RGMB: variants seen among roughly 807,000 people sequenced by gnomAD.
RGMB encodes repulsive guidance molecule B.
Under a neutral mutation model 26.9 loss-of-function variants are expected in RGMB, and 16 were observed. That is an observed-to-expected ratio of 0.60 (90% CI 0.40 to 0.90). RGMB has a LOEUF of 0.90. Ranked by LOEUF, RGMB falls within the 40% of genes least tolerant of loss-of-function variation. The probability of loss-of-function intolerance (pLI) is 0.00; values close to 1 mark genes in which losing one functional copy is unlikely to be tolerated. For synonymous variants in RGMB, 225 were observed against 229.3 expected, an observed-to-expected ratio of 0.98 and a Z score of 0.17; for missense variants, 512 against 573.3, an observed-to-expected ratio of 0.89 and a Z score of 1.09.
intron 1 of RGMB, among the ~76,000 whole-genome samples, chr5:98,775,654 G>A (rs1456139829): frequency 4.6e-5 from 7 of 152,162 alleles, no homozygotes; most frequent in Non-Finnish European, 1.0e-4. Flanking sequence ...GACAGAATTG[G>A]AATGTGGTCC....
rs1747058776 is a variant in RGMB, at chr5:98,794,648, C to CT, written c.*896dup. The CT allele has an allele frequency of 6.6e-6, 1 of 152,172 alleles. No homozygotes were observed. 9.4% of individuals were successfully genotyped at this position (152,172 alleles called of 1,614,324 possible). Reference sequence around the variant, plus strand: ...GCCTTGCTCTTTTTAATCTATATGACTGATGCAAGCCCCTCTTCTTAACCG... The same window carrying CT: ...GCCTTGCTCTTTTTAATCTATATGACTTGATGCAAGCCCCTCTTCTTAACCG... On this transcript the variant is annotated 3_prime_UTR_variant, in exon 3 of 3. Transcript: ENST00000513185.
At chr5:98,790,884 T>G (rs1044060798) in intron 2 of RGMB, among the ~76,000 whole-genome samples, 1 of 152,216 alleles carries the variant, frequency 6.6e-6, no homozygotes, top group African/African-American at 2.4e-5. Flanking sequence ...ATAAAAAGTC[T>G]ATTACTAACT....
chr5:98,772,956 A>G (rs1746218504), upstream of RGMB: 1 of 152,220 alleles, frequency 6.6e-6, no homozygotes, highest in South Asian at 2.1e-4. Context: ...GGAAATGTCA[A>G]ACTAGAACAC....
chr5:98,787,960 T>G (rs1746813965), intron 2 of RGMB, among the ~76,000 whole-genome samples: 1 of 152,182 alleles, frequency 6.6e-6, no homozygotes, highest in Non-Finnish European at 1.5e-5. Context: ...TGGTTTGGTT[T>G]CTTCATTCTC....
intron 2 of RGMB, among the ~76,000 whole-genome samples, chr5:98,784,234 G>C (rs1010954717): frequency 6.6e-6 from 1 of 152,156 alleles, no homozygotes; most frequent in Non-Finnish European, 1.5e-5. Flanking sequence ...AATCCTATGG[G>C]CAGCACTCAT....
At position 98,779,869 on chromosome 5, in the gene RGMB, C is replaced by T; in HGVS notation, c.426C>T (p.His142=). Residue 142 remains histidine, a synonymous_variant, in exon 2 of 3, where the codon CAC becomes CAT. Transcript: ENST00000513185. ...PEVTHDPCNY[H]SHAGAREHRR... ...TGACCCATGATCCTTGCAACTATCA[C>T]AGCCACGCTGGAGCCAGGGAACACA... 4.3e-6 allele frequency: 7 copies of T among 1,614,076 alleles called. No homozygotes were observed. Among genetic ancestry groups the T allele is most frequent in the Non-Finnish European group, 5.9e-6 (7 of 1,179,896 alleles).
At chr5:98,780,110 C>T in intron 2 of RGMB, 22 bp downstream of exon 2, 1 of 1,588,424 alleles carries the variant, frequency 6.3e-7, no homozygotes, top group Non-Finnish European at 8.5e-7. Flanking sequence ...TTCTTTTTTC[C>T]CTCTCCCTAC....
At chr5:98,772,558 G>C (rs1245244724), upstream of RGMB, 1 of 152,176 alleles carries the variant, frequency 6.6e-6, no homozygotes, top group Admixed American at 6.5e-5. Flanking sequence ...CAAAGGCGAG[G>C]GCGGTATCAA....
At chr5:98,775,276 G>C (rs1474904716) in intron 1 of RGMB, among the ~76,000 whole-genome samples, 1 of 152,130 alleles carries the variant, frequency 6.6e-6, no homozygotes, top group Non-Finnish European at 1.5e-5. Flanking sequence ...AGTAATGGGG[G>C]GGAAAATGTG....
At chr5:98,785,706 T>G (rs554341590) in intron 2 of RGMB, among the ~76,000 whole-genome samples, 6 of 152,362 alleles carry the variant, frequency 3.9e-5, no homozygotes, top group Non-Finnish European at 7.3e-5. Context: ...TTCCAGAGCC[T>G]CATCTCATCT....
chr5:98,775,614 T>A (rs1484509908), intron 1 of RGMB, among the ~76,000 whole-genome samples: 3 of 152,182 alleles, frequency 2.0e-5, no homozygotes, highest in Non-Finnish European at 4.4e-5. Flanking sequence ...TGCTTGGATA[T>A]TGTTTCCCAT....
At chr5:98,778,417 G>C (rs1488164704) in intron 1 of RGMB, among the ~76,000 whole-genome samples, 1 of 152,112 alleles carries the variant, frequency 6.6e-6, no homozygotes. Flanking sequence ...AGAATACAAA[G>C]TTCGTCTTAG....
intron 2 of RGMB, chr5:98,792,872 A>G (rs1229117563): frequency 2.4e-6 from 1 of 421,962 alleles, no homozygotes; most frequent in African/African-American, 2.0e-5. Context: ...TGATGCACAG[A>G]TTTATTTAAA....
At chr5:98,793,017 C>T in intron 2 of RGMB, 68 bp from the exon 3 acceptor site, 2 of 1,314,080 alleles carry the variant, frequency 1.5e-6, no homozygotes, top group South Asian at 1.5e-5. Context: ...GGAGCTCTTG[C>T]TACAGAGGGT....
chr5:98,773,680 G>A lies in RGMB; in HGVS notation c.-391G>A, dbSNP rs1443460425. The stretch of plus-strand genomic sequence containing the variant: ...GCTGCCGCGCAGAGATATCCGGGCC[G>A]CCGGTGGGTGGTCGCTAGGGCTGGG... On this transcript the variant is annotated 5_prime_UTR_variant, in exon 1 of 3. Transcript: ENST00000513185. The A allele has an allele frequency of 5.6e-6, 2 of 358,096 alleles. No homozygotes were observed. The highest frequency in any genetic ancestry group is 1.0e-5 in the Non-Finnish European group (2 of 200,256). The allele number at this position is 358,096 out of a possible 1,614,324, so 22.2% of individuals were successfully genotyped here. A position where few individuals can be genotyped will look rare whatever the true frequency, so the allele number is the denominator to read the frequency against.
chr5:98,770,809 A>G, upstream of RGMB: 1 of 521,352 alleles, frequency 1.9e-6, no homozygotes, highest in Non-Finnish European at 3.1e-6. Flanking sequence ...CTGAAAAAAA[A>G]AATGATGTAA....
At chr5:98,788,265 A>G (rs888017095) in intron 2 of RGMB, among the ~76,000 whole-genome samples, 2 of 152,216 alleles carry the variant, frequency 1.3e-5, no homozygotes, top group Non-Finnish European at 2.9e-5. Context: ...GTCCTAGTCC[A>G]ATAAAATTGT....
Position 98,794,143 on chromosome 5 carries a change from C to G in RGMB, c.*390C>G, listed in dbSNP as rs1052020588. On this transcript the variant is annotated 3_prime_UTR_variant, in exon 3 of 3. Coordinates refer to ENST00000513185, the MANE Select transcript of RGMB (RefSeq NM_001366508.1). The stretch of plus-strand genomic sequence containing the variant: ...ACCAGTTGTTTGTAGCTATTCTTGG[C>G]TGTACCTTCCTGCCCTTTCCCATTG... 1 of 157,114 alleles carries G rather than the reference C, an allele frequency of 6.4e-6. No homozygotes were observed. The highest frequency in any genetic ancestry group is 2.4e-5 in the African/African-American group (1 of 41,514). The allele number at this position is 157,114 out of a possible 1,614,324, so 9.7% of individuals were successfully genotyped here.
chr5:98,775,104 A>G (rs1746355825), intron 1 of RGMB, among the ~76,000 whole-genome samples: 2 of 152,178 alleles, frequency 1.3e-5, no homozygotes, highest in South Asian at 4.1e-4. Context: ...ACAGCATTAG[A>G]TAAGTTTCTT....
Sources: gnomAD v4.1 joint callset for allele counts (sites outside exome capture counted in the v4.1 genomes callset) on GRCh38, gnomAD v4.1.1 for gene constraint, MANE v1.5 for transcripts, NCBI Gene and HGNC (gene_info 2026-07-23, HGNC 2026-07-21) for gene names.